The following CDKAL1 variants were observed in gnomAD, a reference collection of about 807,000 sequenced individuals.
The protein encoded by CDKAL1 is threonylcarbamoyladenosine tRNA methylthiotransferase.
In CDKAL1, 32 loss-of-function variants were observed where a neutral mutation model predicts 68.2. The ratio of observed to expected loss-of-function variants is 0.47; its 90% CI spans 0.35 to 0.63. The LOEUF (loss-of-function observed/expected upper bound fraction) is 0.63, where lower values mean the gene tolerates loss of function less well. Among genes scored for constraint, CDKAL1 ranks in the 30% least tolerant of loss-of-function variants. The pLI, the probability that CDKAL1 is intolerant of heterozygous loss-of-function variation, is 0.00. For missense variants in CDKAL1, 606 were observed against 696.7 expected (o/e 0.87, Z 1.47); for synonymous variants, 234 against 244.3 (o/e 0.96, Z 0.39).
At chr6:20,778,754 G>A (rs958623627) in intron 7 of CDKAL1, among the ~76,000 whole-genome samples, 12 of 152,146 alleles carry the variant, frequency 7.9e-5, no homozygotes, top group Admixed American at 7.2e-4. Context: ...ATGGACCTAT[G>A]TTCTGGCTCG....
At chr6:21,114,377 A>G (rs1774294451) in intron 13 of CDKAL1, among the ~76,000 whole-genome samples, 1 of 152,150 alleles carries the variant, frequency 6.6e-6, no homozygotes, top group African/African-American at 2.4e-5. Context: ...CAAATTATTT[A>G]CTTAATTAGA....
intron 8 of CDKAL1, among the ~76,000 whole-genome samples, chr6:20,802,848 G>C (rs1025499246): frequency 6.6e-6 from 1 of 152,194 alleles, no homozygotes; most frequent in Non-Finnish European, 1.5e-5. Flanking sequence ...AGATTACTCT[G>C]TGTCTGCAGA....
intron 13 of CDKAL1, among the ~76,000 whole-genome samples, chr6:21,132,828 C>T (rs189678389): frequency 7.2e-4 from 109 of 152,114 alleles, no homozygotes; most frequent in African/African-American, 2.4e-3. Context: ...AATTCTGAGA[C>T]GGTATTTAGT....
chr6:20,718,058 T>C (rs527577901), intron 5 of CDKAL1, among the ~76,000 whole-genome samples: 1 of 152,228 alleles, frequency 6.6e-6, no homozygotes, highest in African/African-American at 2.4e-5. Flanking sequence ...ATGTTCTTTT[T>C]GTTCAGGTTT....
chr6:20,743,899 T>A (rs1339912824), intron 6 of CDKAL1, among the ~76,000 whole-genome samples: 1 of 152,182 alleles, frequency 6.6e-6, no homozygotes, highest in Non-Finnish European at 1.5e-5. Flanking sequence ...ATAAAAAGTT[T>A]TAGCCAAAAT....
At chr6:20,739,721 C>G in intron 6 of CDKAL1, 106 bp downstream of exon 6, 1 of 588,232 alleles carries the variant, frequency 1.7e-6, no homozygotes. Flanking sequence ...CTATGTTACA[C>G]TTATGGCTGT....
intron 11 of CDKAL1, among the ~76,000 whole-genome samples, chr6:21,006,119 A>G (rs1440687887): frequency 6.6e-6 from 1 of 152,110 alleles, no homozygotes; most frequent in Non-Finnish European, 1.5e-5. Context: ...AATTATTAAC[A>G]TCCTGAGTAA....
chr6:20,971,779 T>C (rs992152316), intron 10 of CDKAL1, among the ~76,000 whole-genome samples: 2 of 152,232 alleles, frequency 1.3e-5, no homozygotes, highest in Admixed American at 1.3e-4. Context: ...CACATGTAAG[T>C]CATCTGAAAA....
intron 15 of CDKAL1, among the ~76,000 whole-genome samples, chr6:21,226,501 T>C (rs1402538200): frequency 1.3e-5 from 2 of 152,248 alleles, no homozygotes; most frequent in Non-Finnish European, 2.9e-5. Flanking sequence ...GAATGCACGA[T>C]GGGAATTTTA....
chr6:20,696,975 A>G (rs1317990158), intron 5 of CDKAL1, among the ~76,000 whole-genome samples: 7 of 152,206 alleles, frequency 4.6e-5, no homozygotes, highest in African/African-American at 1.7e-4. Context: ...TTGCTTTACC[A>G]CATACTTCAC....
At chr6:20,858,729 T>C (rs1581711742) in intron 9 of CDKAL1, among the ~76,000 whole-genome samples, 1 of 152,188 alleles carries the variant, frequency 6.6e-6, no homozygotes, top group Non-Finnish European at 1.5e-5. Flanking sequence ...TAAAATTGCA[T>C]GTAATAATGT....
chr6:21,029,402 G>C (rs1362557291), intron 11 of CDKAL1, among the ~76,000 whole-genome samples: 1 of 152,008 alleles, frequency 6.6e-6, no homozygotes, highest in East Asian at 1.9e-4. Flanking sequence ...GAATGAAGGA[G>C]AGAAAAGGGA....
At chr6:20,786,562 A>G (rs1276988595) in intron 8 of CDKAL1, among the ~76,000 whole-genome samples, 1 of 142,046 alleles carries the variant, frequency 7.0e-6, no homozygotes, top group Admixed American at 7.4e-5. Context: ...CAGTGGCACA[A>G]TCTCAGCTCA....
chr6:20,654,135 G>C (rs1327118238), intron 5 of CDKAL1, among the ~76,000 whole-genome samples: 4 of 152,064 alleles, frequency 2.6e-5, no homozygotes, highest in Non-Finnish European at 5.9e-5. Flanking sequence ...CACCTGCCTC[G>C]GCCTCCCAAA....
At chr6:20,596,066 G>C (rs1179670752) in intron 4 of CDKAL1, among the ~76,000 whole-genome samples, 1 of 152,132 alleles carries the variant, frequency 6.6e-6, no homozygotes, top group Admixed American at 6.5e-5. Flanking sequence ...CCAGATGCCA[G>C]CCGGAGCTCT....
intron 15 of CDKAL1, among the ~76,000 whole-genome samples, chr6:21,229,023 G>A (rs766791553): frequency 6.6e-6 from 1 of 152,146 alleles, no homozygotes; most frequent in Non-Finnish European, 1.5e-5. Flanking sequence ...CCTTACGAAG[G>A]ACTCAGAGTG....
chr6:20,970,677 A>C (rs1386452401), intron 10 of CDKAL1, among the ~76,000 whole-genome samples: 1 of 152,218 alleles, frequency 6.6e-6, no homozygotes, highest in Non-Finnish European at 1.5e-5. Flanking sequence ...GGTTATTGAC[A>C]GCAAATGATC....
Position 20,990,383 on chromosome 6 carries a change from T to C in CDKAL1, c.910-9844T>C, listed in dbSNP as rs527773982. On this transcript the variant is annotated intron_variant, in intron 10 of 15. Coordinates refer to ENST00000274695, the MANE Select transcript of CDKAL1 (RefSeq NM_017774.3). ...TCTATCTTCATAATGTAAAGCCTGA[T>C]GATTGTGACACTAAGATGAATTGGT... 7.9e-5 allele frequency among the ~76,000 whole-genome samples: 12 copies of C among 152,374 alleles called. 1 individual carries two copies. The highest frequency in any genetic ancestry group is 2.6e-4 in the African/African-American group (11 of 41,596).
At chr6:20,576,281 T>C (rs1401262031) in intron 4 of CDKAL1, among the ~76,000 whole-genome samples, 1 of 152,224 alleles carries the variant, frequency 6.6e-6, no homozygotes, top group African/African-American at 2.4e-5. Context: ...GTCAGTCATT[T>C]TGGCTTAAGC....
Sources: allele counts gnomAD v4.1 joint callset (sites outside exome capture counted in the v4.1 genomes callset), GRCh38; gene constraint gnomAD v4.1.1; transcripts MANE v1.5; gene names NCBI Gene and HGNC (gene_info 2026-07-23, HGNC 2026-07-21).